The following GLIS3 variants were observed in gnomAD, a reference collection of about 807,000 sequenced individuals.
GLIS3 encodes GLIS family zinc finger 3, also known as zinc finger protein GLIS3.
A neutral mutation model predicts 78.6 loss-of-function variants in GLIS3; 53 were observed. The ratio of observed to expected loss-of-function variants is 0.67; its 90% CI spans 0.54 to 0.85. The LOEUF (loss-of-function observed/expected upper bound fraction) is 0.85, where lower values mean the gene tolerates loss of function less well. GLIS3 is among the 40% of genes least tolerant of loss of function. The probability of loss-of-function intolerance (pLI) is 0.00; values close to 1 mark genes in which losing one functional copy is unlikely to be tolerated. For synonymous variants in GLIS3, 684 were observed against 509.9 expected (o/e 1.34, Z -4.60); for missense variants, 1,703 against 1,231.1 (o/e 1.38, Z -5.74).
At chr9:3,965,197 T>TC (rs1554659602) in intron 4 of GLIS3, among the ~76,000 whole-genome samples, 11 of 133,846 alleles carry the variant, frequency 8.2e-5, no homozygotes, top group African/African-American at 1.7e-4. Flanking sequence ...TCTTTTCTTT[T>TC]TTTTTTTTTT....
At chr9:4,279,381 A>G (rs1174076784) in intron 2 of GLIS3, among the ~76,000 whole-genome samples, 4 of 146,306 alleles carry the variant, frequency 2.7e-5, no homozygotes, top group African/African-American at 1.0e-4. Flanking sequence ...TATTATATAT[A>G]TTTTATATTA....
intron 4 of GLIS3, among the ~76,000 whole-genome samples, chr9:4,093,552 T>C (rs1829697404): frequency 1.3e-5 from 2 of 152,220 alleles, no homozygotes; most frequent in African/African-American, 4.8e-5. Flanking sequence ...CTTGGTTTTC[T>C]AGCACATTTT....
rs116213404 is a variant in GLIS3 at position 4,318,254 on chromosome 9, G to A, written n.265-7726C>T. On this transcript the variant is annotated intron_variant and non_coding_transcript_variant, in intron 2 of 4. Coordinates refer to the GLIS3 transcript ENST00000471664. ...GTTTGATGGGAATTCGAGGGGCCAG[G>A]ATGAACCCACAAATTTAAAGAAATG... 7.8e-3 allele frequency among the ~76,000 whole-genome samples: 1,194 copies of A among 152,252 alleles called. 22 individuals carry two copies. The highest frequency in any genetic ancestry group is 0.027 in the African/African-American group (1,126 of 41,518).
chr9:4,024,347 T>C (rs1170766905), intron 4 of GLIS3, among the ~76,000 whole-genome samples: 1 of 152,186 alleles, frequency 6.6e-6, no homozygotes, highest in Non-Finnish European at 1.5e-5. Flanking sequence ...AGAATCAAAA[T>C]GAAGGTCATG....
At chr9:4,242,411 A>C (rs1823403057) in intron 2 of GLIS3, among the ~76,000 whole-genome samples, 1 of 152,168 alleles carries the variant, frequency 6.6e-6, no homozygotes, top group South Asian at 2.1e-4. Flanking sequence ...CCCTTTATTC[A>C]GGGCTCTATA....
chr9:4,438,931 C>T, the GLIS3 span, among the ~76,000 whole-genome samples: 1 of 152,162 alleles, frequency 6.6e-6, no homozygotes, highest in Non-Finnish European at 1.5e-5. Context: ...GACTAATACA[C>T]ATGTTTTGTA....
chr9:4,488,504 C>A, the GLIS3 span, among the ~76,000 whole-genome samples: 1 of 150,378 alleles, frequency 6.6e-6, no homozygotes, highest in African/African-American at 2.4e-5. Context: ...CAAATCTGTT[C>A]TCTCGCGCAC....
the GLIS3 span, among the ~76,000 whole-genome samples, chr9:4,424,650 A>C: frequency 6.6e-6 from 1 of 152,112 alleles, no homozygotes; most frequent in African/African-American, 2.4e-5. Flanking sequence ...TACAGCCTCA[A>C]ACTCCTGGGT....
intron 4 of GLIS3, among the ~76,000 whole-genome samples, chr9:4,005,126 T>C (rs1821438691): frequency 6.6e-6 from 1 of 152,198 alleles, no homozygotes; most frequent in South Asian, 2.1e-4. Context: ...CATTTCTGCA[T>C]TTGGTATTCT....
At chr9:4,431,184 G>T in the GLIS3 span, among the ~76,000 whole-genome samples, 9 of 152,188 alleles carry the variant, frequency 5.9e-5, no homozygotes, top group Non-Finnish European at 1.3e-4. Context: ...TTGAGTCTTA[G>T]AATTTCCCTT....
intron 4 of GLIS3, chr9:4,305,514 G>C (rs1055277927): frequency 6.6e-6 from 1 of 152,248 alleles, no homozygotes; most frequent in Non-Finnish European, 1.5e-5. Flanking sequence ...CCACTGATGG[G>C]CTCGATGATT....
intron 2 of GLIS3, among the ~76,000 whole-genome samples, chr9:4,323,172 T>A (rs1817562571): frequency 6.6e-6 from 1 of 152,296 alleles, no homozygotes; most frequent in African/African-American, 2.4e-5. Flanking sequence ...AAATAGGGAA[T>A]CCTTTCCCCA....
intron 2 of GLIS3, among the ~76,000 whole-genome samples, chr9:4,260,289 G>A (rs760278709): frequency 2.6e-5 from 4 of 151,900 alleles, no homozygotes; most frequent in South Asian, 2.1e-4. Context: ...AAATTAGGCC[G>A]GGCACAGTGG....
At chr9:4,095,166 C>T (rs1380137430) in intron 4 of GLIS3, among the ~76,000 whole-genome samples, 2 of 152,150 alleles carry the variant, frequency 1.3e-5, no homozygotes, top group African/African-American at 4.8e-5. Flanking sequence ...TTTAACAAAT[C>T]TCTCCCTATC....
chr9:4,044,350 T>A (rs150389760), intron 4 of GLIS3, among the ~76,000 whole-genome samples: 22 of 152,290 alleles, frequency 1.4e-4, no homozygotes, highest in African/African-American at 5.1e-4. Flanking sequence ...TATTAAGTAA[T>A]CTCCCAACGC....
At chr9:4,407,788 T>C in the GLIS3 span, among the ~76,000 whole-genome samples, 1 of 152,082 alleles carries the variant, frequency 6.6e-6, no homozygotes, top group Non-Finnish European at 1.5e-5. Flanking sequence ...TTAAAAAGCT[T>C]CTGCACAACA....
At chr9:4,435,807 G>T in the GLIS3 span, among the ~76,000 whole-genome samples, 2 of 152,248 alleles carry the variant, frequency 1.3e-5, no homozygotes, top group South Asian at 4.1e-4. Flanking sequence ...AAATTAGCCG[G>T]GCGTGGTGGC....
the GLIS3 span, among the ~76,000 whole-genome samples, chr9:4,408,446 T>C: frequency 2.1e-5 from 3 of 142,030 alleles, no homozygotes; most frequent in South Asian, 6.7e-4. Context: ...AAAAAAAAAA[T>C]AGGCCGGGCA....
intron 2 of GLIS3, among the ~76,000 whole-genome samples, chr9:4,200,533 A>G (rs1327483439): frequency 1.3e-5 from 2 of 152,206 alleles, no homozygotes; most frequent in Non-Finnish European, 1.5e-5. Context: ...GAACACCTCT[A>G]TGCACACGAA....
Sources: allele counts gnomAD v4.1 joint callset (sites outside exome capture counted in the v4.1 genomes callset), GRCh38; gene constraint gnomAD v4.1.1; transcripts MANE v1.5; gene names NCBI Gene and HGNC (gene_info 2026-07-23, HGNC 2026-07-21).